Variants in NOL4 observed in about 807,000 individuals in gnomAD.
NOL4 encodes nucleolar protein 4, also known as cancer/testis antigen 125.
Under a neutral mutation model 75.9 loss-of-function variants are expected in NOL4, and 17 were observed. The ratio of observed to expected loss-of-function variants is 0.22; its 90% confidence interval spans 0.15 to 0.34. NOL4 has a LOEUF of 0.34. Among genes scored for constraint, NOL4 ranks in the 10% least tolerant of loss-of-function variants. NOL4 has a pLI of 1.00. For synonymous variants in NOL4, 292 were observed against 289.9 expected, an observed-to-expected ratio of 1.01 and a Z score of -0.07; for missense variants, 614 against 793.5, an observed-to-expected ratio of 0.77 and a Z score of 2.72.
At chr18:34,137,136 C>A (rs1384804613) in intron 1 of NOL4, among the ~76,000 whole-genome samples, 1 of 152,020 alleles carries the variant, frequency 6.6e-6, no homozygotes, top group Non-Finnish European at 1.5e-5. Context: ...TCAACCCATA[C>A]ATAAAAATTA....
Position 33,876,630 on chromosome 18 carries a change from T to A in NOL4, c.1723+6614A>T, listed in dbSNP as rs367602055. On this transcript the variant is annotated intron_variant, in intron 10 of 10. Transcript: ENST00000261592. ...CTCCAAAACTGTTACAGGGAATGAC[T>A]ATTTTGATGTCTTAAAGATGAAGAA... is the stretch of plus-strand genomic sequence containing the variant. Among the ~76,000 whole-genome samples the A allele has an allele frequency of 3.0e-4, 46 of 152,240 alleles. No individual in the cohort carries two copies. In the East Asian group the frequency reaches 6.0e-3, roughly 20 times the overall value.
At chr18:34,050,764 G>GA (rs1555705494) in intron 5 of NOL4, among the ~76,000 whole-genome samples, 1 of 152,030 alleles carries the variant, frequency 6.6e-6, no homozygotes, top group Non-Finnish European at 1.5e-5. Context: ...GGGAAATAGG[G>GA]AAAATGAGAG....
intron 9 of NOL4, among the ~76,000 whole-genome samples, chr18:33,936,805 C>T (rs2068089123): frequency 1.3e-5 from 2 of 152,078 alleles, no homozygotes; most frequent in Non-Finnish European, 2.9e-5. Flanking sequence ...GTCATCAAGC[C>T]TGTTAATAAA....
intron 1 of NOL4, among the ~76,000 whole-genome samples, chr18:34,147,334 G>C (rs1600723602): frequency 6.6e-6 from 1 of 152,106 alleles, no homozygotes; most frequent in Non-Finnish European, 1.5e-5. Context: ...TGCCCATTCA[G>C]TATGATATTG....
chr18:33,889,666 G>A (rs2064982682), intron 9 of NOL4, among the ~76,000 whole-genome samples: 1 of 152,062 alleles, frequency 6.6e-6, no homozygotes, highest in Non-Finnish European at 1.5e-5. Flanking sequence ...GAATCCAACA[G>A]CACATCAAAA....
chr18:34,056,064 C>A (rs1381792276), intron 5 of NOL4, among the ~76,000 whole-genome samples: 2 of 152,042 alleles, frequency 1.3e-5, no homozygotes, highest in Non-Finnish European at 2.9e-5. Context: ...CTTTTTTGAG[C>A]TTACTGACCA....
At chr18:34,045,629 A>G (rs995029616) in intron 5 of NOL4, among the ~76,000 whole-genome samples, 1 of 152,210 alleles carries the variant, frequency 6.6e-6, no homozygotes, top group African/African-American at 2.4e-5. Context: ...AAATAAATTT[A>G]GCATCTGACA....
intron 6 of NOL4, among the ~76,000 whole-genome samples, chr18:33,962,962 T>C (rs1056107482): frequency 5.9e-5 from 9 of 152,158 alleles, no homozygotes; most frequent in Non-Finnish European, 1.2e-4. Context: ...TCAAGGATGA[T>C]TGATGTTATT....
Position 34,129,913 on chromosome 18 carries a change from T to C in NOL4, c.372A>G (p.Glu124=), listed in dbSNP as rs150040422. ...SMHVETGPNG[E]QIRKHAGQKR... ...TTTGTCCAGCGTGTTTCCGAATTTG[T>C]TCTCCATTTGGCCCCGTTTCCACAT... Residue 124 remains glutamate (E), a synonymous_variant, in exon 2 of 11, where the codon GAA becomes GAG. Coordinates refer to ENST00000261592, the MANE Select transcript of NOL4 (RefSeq NM_003787.5). The C allele has an allele frequency of 5.0e-4, 799 of 1,596,604 alleles. No individual in the cohort carries two copies. The highest frequency in any genetic ancestry group is 5.6e-4 in the Non-Finnish European group (654 of 1,171,046).
At chr18:34,075,381 A>G (rs1387864845) in intron 5 of NOL4, among the ~76,000 whole-genome samples, 2 of 152,190 alleles carry the variant, frequency 1.3e-5, no homozygotes, top group Non-Finnish European at 2.9e-5. Context: ...AGGAGTGTGC[A>G]GAAAATATAT....
intron 6 of NOL4, among the ~76,000 whole-genome samples, chr18:33,973,104 G>C (rs1597849): frequency 2.6e-4 from 39 of 152,198 alleles, no homozygotes; most frequent in Non-Finnish European, 5.0e-4. Flanking sequence ...CTCAAACTCT[G>C]CTGCTGTTTA....
intron 9 of NOL4, among the ~76,000 whole-genome samples, chr18:33,914,866 T>TG (rs2066620109): frequency 6.6e-6 from 1 of 152,042 alleles, no homozygotes; most frequent in Non-Finnish European, 1.5e-5. Context: ...GCTGAGGAAG[T>TG]GGTTGGATAT....
intron 4 of NOL4, among the ~76,000 whole-genome samples, chr18:34,095,245 A>ATGTG (rs761927350): frequency 4.9e-4 from 46 of 94,296 alleles, no homozygotes; most frequent in African/African-American, 1.5e-3. Flanking sequence ...CTAAATTCTA[A>ATGTG]TGTGTATGTG....
At chr18:34,095,132 A>C (rs764802409) in intron 4 of NOL4, among the ~76,000 whole-genome samples, 9 of 152,158 alleles carry the variant, frequency 5.9e-5, no homozygotes, top group Non-Finnish European at 1.0e-4. Flanking sequence ...GCTCTTCATT[A>C]AGTCAGTAAG....
At chr18:33,979,718 C>T (rs989724394) in intron 6 of NOL4, among the ~76,000 whole-genome samples, 3 of 151,792 alleles carry the variant, frequency 2.0e-5, no homozygotes, top group Admixed American at 2.0e-4. Context: ...AGTATTTACA[C>T]TAAAATGGAT....
chr18:34,212,519 T>G (rs1313223838), intron 1 of NOL4, among the ~76,000 whole-genome samples: 1 of 152,224 alleles, frequency 6.6e-6, no homozygotes, highest in Admixed American at 6.5e-5. Context: ...TTACCACAAA[T>G]TGAATGGCTT....
chr18:34,210,258 A>C lies in NOL4; in HGVS notation c.264+12732T>G, dbSNP rs563609266. The stretch of plus-strand genomic sequence containing the variant: ...CCAAGAAACATTGTCTGTAATTTCC[A>C]GTTTCAATTACTTTAAAGTAGAATG... On this transcript the variant is annotated intron_variant, in intron 1 of 10. Coordinates refer to ENST00000261592, the MANE Select transcript of NOL4 (RefSeq NM_003787.5). Among the ~76,000 whole-genome samples the C allele has an allele frequency of 2.6e-5, 4 of 152,324 alleles. No homozygotes were observed. In the South Asian group the frequency reaches 8.3e-4, roughly 32 times the overall value.
intron 1 of NOL4, chr18:34,222,365 C>G: frequency 8.2e-7 from 1 of 1,223,440 alleles, no homozygotes; most frequent in Non-Finnish European, 1.0e-6. Context: ...GAGGAGGAAT[C>G]TCCAGGACCT....
intron 5 of NOL4, among the ~76,000 whole-genome samples, chr18:34,058,149 T>C (rs2076907656): frequency 1.3e-5 from 2 of 152,276 alleles, no homozygotes; most frequent in East Asian, 1.9e-4. Flanking sequence ...ATTTCTTTTT[T>C]TTGAGACAAA....
Sources: gnomAD v4.1 joint callset for allele counts (sites outside exome capture counted in the v4.1 genomes callset) on GRCh38, gnomAD v4.1.1 for gene constraint, MANE v1.5 for transcripts, NCBI Gene and HGNC (gene_info 2026-07-23, HGNC 2026-07-21) for gene names.